TMEM164: variants seen among roughly 807,000 people sequenced by gnomAD.
TMEM164 encodes RP13-360B22.2.
TMEM164 carries 4 observed loss-of-function variants against 18.8 expected under a neutral mutation model. The observed-to-expected ratio is 0.21, with a 90% CI of 0.10 to 0.49. The LOEUF (loss-of-function observed/expected upper bound fraction) is 0.49, where lower values mean the gene tolerates loss of function less well. Among genes scored for constraint, TMEM164 ranks in the 20% least tolerant of loss-of-function variants. The pLI is 0.98. For missense variants in TMEM164, 108 were observed against 239.9 expected (o/e 0.45, Z 3.63); for synonymous variants, 86 against 101.7 (o/e 0.85, Z 0.93).
chrX:110,045,797 G>A (rs1935293955), intron 2 of TMEM164, among the ~76,000 whole-genome samples: 1 of 112,026 alleles, frequency 8.9e-6, no homozygotes, highest in African/African-American at 3.2e-5. Flanking sequence ...TGAAGGGACA[G>A]AAACCATGAG....
intron 3 of TMEM164, among the ~76,000 whole-genome samples, chrX:110,104,746 C>T (rs1247029314): frequency 9.0e-6 from 1 of 111,591 alleles, no homozygotes; most frequent in East Asian, 2.8e-4. Context: ...ATATAACATA[C>T]AAAATTTGTG....
chrX:110,105,850 A>G (rs183964628), intron 3 of TMEM164, among the ~76,000 whole-genome samples: 10 of 109,883 alleles, frequency 9.1e-5, no homozygotes, highest in Non-Finnish European at 1.3e-4. Flanking sequence ...CAAAAATACA[A>G]TCTTGAAACT....
intron 4 of TMEM164, among the ~76,000 whole-genome samples, chrX:110,128,984 A>G (rs2066574163): frequency 9.1e-6 from 1 of 110,385 alleles, no homozygotes; most frequent in African/African-American, 3.3e-5. Context: ...CTTTACTGTA[A>G]GTTGCTTATT....
In TMEM164 at chrX:110,155,368, T is replaced by A. The variant is rs145975063; in HGVS notation, c.586+10492T>A. Among the ~76,000 whole-genome samples the A allele has an allele frequency of 6.2e-4, 68 of 110,467 alleles. 2 individuals carry two copies. The East Asian group carries it at 0.019, about 30-fold the overall frequency. ...AGTACAGGTACTTCAAAAATAACAA[T>A]TAGACTCCTCATTTCTGTACCCCTT... is the stretch of plus-strand genomic sequence containing the variant. On this transcript the variant is annotated intron_variant, in intron 5 of 6. Transcript: ENST00000372068.
chrX:110,025,468 A>G (rs1357774051), intron 2 of TMEM164, among the ~76,000 whole-genome samples: 1 of 111,926 alleles, frequency 8.9e-6, no homozygotes, highest in Non-Finnish European at 1.9e-5. Context: ...TTCAGCTGCC[A>G]ACTCTGCACC....
At chrX:110,129,576 A>G (rs2066583798) in intron 4 of TMEM164, among the ~76,000 whole-genome samples, 1 of 112,836 alleles carries the variant, frequency 8.9e-6, no homozygotes, top group South Asian at 3.6e-4. Flanking sequence ...TTGAAAAATA[A>G]AACAATTTTA....
intron 3 of TMEM164, among the ~76,000 whole-genome samples, chrX:110,107,544 C>G (rs1273408343): frequency 9.0e-6 from 1 of 111,469 alleles, no homozygotes; most frequent in African/African-American, 3.3e-5. Context: ...GAAGAAACAG[C>G]CTAGGGGAAG....
intron 2 of TMEM164, among the ~76,000 whole-genome samples, chrX:110,030,058 T>C (rs767796989): frequency 9.4e-6 from 1 of 106,778 alleles, no homozygotes; most frequent in Admixed American, 1.0e-4. Flanking sequence ...GTAATCTGTC[T>C]CCCTGACCTG....
chrX:110,096,312 CCTT>C (rs1015388880), intron 3 of TMEM164, among the ~76,000 whole-genome samples: 5 of 112,920 alleles, frequency 4.4e-5, no homozygotes, highest in Non-Finnish European at 9.4e-5. Flanking sequence ...AGGCAGGCCT[CCTT>C]CAGCTGCAGT....
chrX:110,013,044 G>T (rs973375964), intron 2 of TMEM164, among the ~76,000 whole-genome samples: 7 of 112,108 alleles, frequency 6.2e-5, no homozygotes, highest in African/African-American at 2.3e-4. Flanking sequence ...ATGTGTTTAG[G>T]TGGGTAGGAG....
chrX:110,015,454 G>A (rs2058566849), intron 2 of TMEM164, among the ~76,000 whole-genome samples: 1 of 111,972 alleles, frequency 8.9e-6, no homozygotes, highest in Admixed American at 9.4e-5. Context: ...CTAAGACCTA[G>A]GGAAGATTGT....
chrX:110,119,222 A>G (rs2066415639), intron 4 of TMEM164, among the ~76,000 whole-genome samples: 1 of 112,505 alleles, frequency 8.9e-6, no homozygotes, highest in Non-Finnish European at 1.9e-5. Context: ...CACTGAAAAA[A>G]AAGGTGGCGG....
chrX:110,033,303 A>G (rs958267219), intron 2 of TMEM164, among the ~76,000 whole-genome samples: 3 of 112,383 alleles, frequency 2.7e-5, no homozygotes, highest in Non-Finnish European at 5.6e-5. Context: ...CAGGAAAAAA[A>G]GAACCCAGAG....
intron 4 of TMEM164, among the ~76,000 whole-genome samples, chrX:110,137,110 T>C (rs1262926588): frequency 2.7e-5 from 3 of 112,093 alleles, no homozygotes; most frequent in Non-Finnish European, 5.6e-5. Context: ...TTTTATAATT[T>C]ACAGTTATAC....
Position 110,034,850 on chromosome X carries a change from G to A in TMEM164, c.390+30686G>A, listed in dbSNP as rs977961070. The stretch of plus-strand genomic sequence containing the variant: ...GTCCAACAATGATAGACTGGATTAA[G>A]AAAATGTGGCACATATACACCATGG... On this transcript the variant is annotated intron_variant, in intron 2 of 6. Coordinates refer to ENST00000372068, the MANE Select transcript of TMEM164 (RefSeq NM_032227.4). Among the ~76,000 whole-genome samples the A allele has an allele frequency of 4.1e-4, 43 of 103,837 alleles. 1 individual carries two copies. Among genetic ancestry groups the A allele is most frequent in the Non-Finnish European group, 7.7e-4 (39 of 50,707 alleles). The allele number at this position is 103,837 out of a possible 115,157, so 90.2% of individuals were successfully genotyped here. A position where few individuals can be genotyped will look rare whatever the true frequency, so the allele number is the denominator to read the frequency against.
rs2067301226 is a variant in TMEM164 at position 110,177,360 on chromosome X, C to G, written c.*3909C>G. ...CTTAGCAAATGCCTCTGCCCCTCTT[C>G]CCCTACCCCTGTCCTTCCTCAGTTC... On this transcript the variant is annotated 3_prime_UTR_variant, in exon 7 of 7. Transcript: ENST00000372068. 1 of 111,942 alleles carries G rather than the reference C, an allele frequency of 8.9e-6. No homozygotes were observed. Among genetic ancestry groups the G allele is most frequent in the Non-Finnish European group, 1.9e-5 (1 of 53,189 alleles). The allele number at this position is 111,942 out of a possible 1,213,427, so 9.2% of individuals were successfully genotyped here. A position where few individuals can be genotyped will look rare whatever the true frequency, so the allele number is the denominator to read the frequency against.
intron 4 of TMEM164, among the ~76,000 whole-genome samples, chrX:110,144,486 C>T (rs2066822192): frequency 9.0e-6 from 1 of 111,431 alleles, no homozygotes; most frequent in African/African-American, 3.3e-5. Context: ...CTTCATATTC[C>T]AATAATACAC....
intron 5 of TMEM164, among the ~76,000 whole-genome samples, chrX:110,163,390 A>G (rs776838192): frequency 8.9e-6 from 1 of 112,415 alleles, no homozygotes. Context: ...TCATTCCAAT[A>G]TAATCAATAT....
intron 6 of TMEM164, among the ~76,000 whole-genome samples, chrX:110,172,383 C>A (rs2067243243): frequency 8.9e-6 from 1 of 111,989 alleles, no homozygotes; most frequent in African/African-American, 3.3e-5. Flanking sequence ...CCATGTGGAG[C>A]CTCGCGTGAC....
Sources: allele counts gnomAD v4.1 joint callset (sites outside exome capture counted in the v4.1 genomes callset), GRCh38; gene constraint gnomAD v4.1.1; transcripts MANE v1.5; gene names NCBI Gene and HGNC (gene_info 2026-07-23, HGNC 2026-07-21).